IKZF2: variants seen among roughly 807,000 people sequenced by gnomAD.
IKZF2 encodes the protein zinc finger protein Helios.
IKZF2 carries 15 observed loss-of-function variants against 49.2 expected under a neutral mutation model. That is an observed-to-expected ratio of 0.30 (90% confidence interval 0.20 to 0.47). The LOEUF (loss-of-function observed/expected upper bound fraction) is 0.47. Among genes scored for constraint, IKZF2 ranks in the 20% least tolerant of loss-of-function variants. The pLI is 1.00. For synonymous variants in IKZF2, 227 were observed against 221.4 expected, an observed-to-expected ratio of 1.03 and a Z score of -0.23; for missense variants, 567 against 664.6, an observed-to-expected ratio of 0.85 and a Z score of 1.61.
chr2:213,067,762 A>T (rs1043701549), intron 4 of IKZF2, among the ~76,000 whole-genome samples: 13 of 152,068 alleles, frequency 8.5e-5, no homozygotes, highest in Non-Finnish European at 1.9e-4. Context: ...ATATAGATAT[A>T]TGTGTCTGTC....
intron 4 of IKZF2, among the ~76,000 whole-genome samples, chr2:213,115,439 G>GA (rs2059839939): frequency 6.6e-6 from 1 of 152,164 alleles, no homozygotes; most frequent in African/African-American, 2.4e-5. Flanking sequence ...GCCACCCTGG[G>GA]AAAATGTCTG....
chr2:213,133,318 T>C (rs1355293790), intron 4 of IKZF2, among the ~76,000 whole-genome samples: 1 of 152,212 alleles, frequency 6.6e-6, no homozygotes, highest in Non-Finnish European at 1.5e-5. Context: ...AAAGCTGAGC[T>C]TCCAAGAGAT....
chr2:213,108,766 C>T lies in IKZF2; in HGVS notation c.139+38942G>A, dbSNP rs184322221. Among the ~76,000 whole-genome samples the T allele has an allele frequency of 1.4e-3, 213 of 151,840 alleles. 1 individual carries two copies. The highest frequency in any genetic ancestry group is 2.7e-4 in the Non-Finnish European group (18 of 67,912). On this transcript the variant is annotated intron_variant, in intron 4 of 8. Coordinates refer to ENST00000434687, the MANE Select transcript of IKZF2 (RefSeq NM_001387220.1). ...CATAAAAAAGCAATACAACATATTG[C>T]TTTTTTTGCTAATATAAAAGTAATA...
At chr2:213,038,668 A>G (rs1046272471) in intron 6 of IKZF2, among the ~76,000 whole-genome samples, 3 of 152,192 alleles carry the variant, frequency 2.0e-5, no homozygotes, top group African/African-American at 7.2e-5. Context: ...GAAAGAGCAG[A>G]CCACAACACT....
chr2:213,143,246 T>G (rs1238458149), intron 4 of IKZF2, among the ~76,000 whole-genome samples: 1 of 151,978 alleles, frequency 6.6e-6, no homozygotes, highest in East Asian at 1.9e-4. Flanking sequence ...TTACCTTTTT[T>G]TAAAAAAGTA....
At chr2:213,071,950 T>G (rs1389219315) in intron 4 of IKZF2, among the ~76,000 whole-genome samples, 6 of 151,960 alleles carry the variant, frequency 3.9e-5, no homozygotes, top group African/African-American at 1.4e-4. Context: ...AATGAAAACC[T>G]AAAATGAAAC....
chr2:213,105,730 C>G (rs2059503356), intron 4 of IKZF2, among the ~76,000 whole-genome samples: 1 of 152,104 alleles, frequency 6.6e-6, no homozygotes, highest in Non-Finnish European at 1.5e-5. Flanking sequence ...TGCTACAAAT[C>G]AGAATTCTGC....
At chr2:213,130,074 G>C (rs905940212) in intron 4 of IKZF2, among the ~76,000 whole-genome samples, 3 of 152,156 alleles carry the variant, frequency 2.0e-5, no homozygotes, top group African/African-American at 7.2e-5. Flanking sequence ...GCTATTGATT[G>C]TAACACTTCT....
chr2:213,085,982 GT>G lies in IKZF2; in HGVS notation c.140-28884del, dbSNP rs1457546384. On this transcript the variant is annotated intron_variant, in intron 4 of 8. Coordinates refer to ENST00000434687, the MANE Select transcript of IKZF2 (RefSeq NM_001387220.1). Reference sequence around the variant, plus strand: ...GGTGGTGATTAAAAGTTAGCAAGTGGTTCTGCAGTGGTGAGACGTGGGGTAA... The same window carrying G: ...GGTGGTGATTAAAAGTTAGCAAGTGGTCTGCAGTGGTGAGACGTGGGGTAA... Among the ~76,000 whole-genome samples the G allele has an allele frequency of 2.0e-5, 3 of 152,260 alleles. No homozygotes were observed. The East Asian group carries it at 5.8e-4, about 29-fold the overall frequency.
intron 7 of IKZF2, among the ~76,000 whole-genome samples, chr2:213,021,051 A>G (rs1697150096): frequency 6.6e-6 from 1 of 152,116 alleles, no homozygotes; most frequent in African/African-American, 2.4e-5. Flanking sequence ...CGTCTCTACT[A>G]AAAATACAAA....
chr2:213,141,866 A>C (rs923741739), intron 4 of IKZF2, among the ~76,000 whole-genome samples: 2 of 152,054 alleles, frequency 1.3e-5, no homozygotes, highest in Admixed American at 6.6e-5. Flanking sequence ...GAATTGATCA[A>C]CTAGAATTGA....
chr2:213,093,320 T>C (rs1396751110), intron 4 of IKZF2, among the ~76,000 whole-genome samples: 1 of 152,144 alleles, frequency 6.6e-6, no homozygotes, highest in African/African-American at 2.4e-5. Flanking sequence ...TCTCCCTCCA[T>C]AGCAGGCTCA....
chr2:213,095,857 G>T (rs1705912335), intron 4 of IKZF2, among the ~76,000 whole-genome samples: 1 of 151,942 alleles, frequency 6.6e-6, no homozygotes, highest in Admixed American at 6.6e-5. Context: ...CTCATCTAAG[G>T]ATATTGTTTC....
At chr2:213,036,918 G>GA (rs897422651) in intron 6 of IKZF2, among the ~76,000 whole-genome samples, 16 of 152,102 alleles carry the variant, frequency 1.1e-4, no homozygotes, top group East Asian at 1.9e-4. Context: ...GGTTAGGTTA[G>GA]AAAAAAACAT....
chr2:213,014,407 A>G (rs1021707691), intron 7 of IKZF2: 4 of 153,288 alleles, frequency 2.6e-5, no homozygotes, highest in African/African-American at 9.7e-5. Context: ...ATTTTCCTGC[A>G]GCGTATTTTC....
chr2:213,136,091 C>T (rs1266837537), intron 4 of IKZF2, among the ~76,000 whole-genome samples: 1 of 148,180 alleles, frequency 6.7e-6, no homozygotes, highest in African/African-American at 2.5e-5. Context: ...AAGAAAGAGC[C>T]GGGGGCAGTG....
intron 4 of IKZF2, among the ~76,000 whole-genome samples, chr2:213,133,495 C>G (rs1284015202): frequency 6.6e-6 from 1 of 152,036 alleles, no homozygotes; most frequent in Non-Finnish European, 1.5e-5. Flanking sequence ...CTTTGGGAGG[C>G]TGAGGTAGGC....
chr2:213,132,731 C>G (rs930482522), intron 4 of IKZF2, among the ~76,000 whole-genome samples: 4 of 152,332 alleles, frequency 2.6e-5, no homozygotes, highest in African/African-American at 9.6e-5. Flanking sequence ...CAGCCAAGAC[C>G]TGCCAGCAAA....
At chr2:213,045,741 G>C (rs1700092036) in intron 6 of IKZF2, among the ~76,000 whole-genome samples, 1 of 152,178 alleles carries the variant, frequency 6.6e-6, no homozygotes, top group Non-Finnish European at 1.5e-5. Flanking sequence ...TTGTAAGTGA[G>C]AAATTGCTGC....
Sources: allele counts gnomAD v4.1 joint callset (sites outside exome capture counted in the v4.1 genomes callset), GRCh38; gene constraint gnomAD v4.1.1; transcripts MANE v1.5; gene names NCBI Gene and HGNC (gene_info 2026-07-23, HGNC 2026-07-21).